The following RPS29 variants were observed in gnomAD, a reference collection of about 807,000 sequenced individuals.
RPS29 encodes ribosomal protein S29, also known as small ribosomal subunit protein uS14.
For missense variants in RPS29, 60 were observed against 75.7 expected (o/e 0.79, Z 0.77); for synonymous variants, 37 against 26.9 (o/e 1.37, Z -1.16).
intron 1 of RPS29, among the ~76,000 whole-genome samples, chr14:49,596,019 A>AGGAG (rs35194256): frequency 0.067 from 7,389 of 109,518 alleles, 338 homozygotes; most frequent in African/African-American, 0.12. Flanking sequence ...GAAGAAATGA[A>AGGAG]GGAGGGAGGG....
At chr14:49,577,564 A>G in exon 3 of RPS29, 1 of 633,604 alleles carries the variant, frequency 1.6e-6, no homozygotes, top group Non-Finnish European at 2.8e-6. Flanking sequence ...AACGTTGTGG[A>G]CCAGGAACTT....
At chr14:49,589,896 T>G (rs1024936238), upstream of RPS29, among the ~76,000 whole-genome samples, 4 of 152,170 alleles carry the variant, frequency 2.6e-5, no homozygotes, top group Non-Finnish European at 4.4e-5. Flanking sequence ...TGCAACAGCA[T>G]GGATGGAGCT....
chr14:49,592,193 G>T (rs1881727574), intron 1 of RPS29: 1 of 151,160 alleles, frequency 6.6e-6, no homozygotes, highest in Non-Finnish European at 1.5e-5. Flanking sequence ...ATTTGTTTAT[G>T]GTATATTTTT....
intron 1 of RPS29, among the ~76,000 whole-genome samples, chr14:49,592,015 C>T (rs923261179): frequency 2.6e-5 from 4 of 152,082 alleles, no homozygotes; most frequent in Non-Finnish European, 4.4e-5. Flanking sequence ...AGACATATAT[C>T]TTTATCTGGG....
chr14:49,585,819 A>G, intron 2 of RPS29, 131 bp downstream of exon 2: 1 of 676,706 alleles, frequency 1.5e-6, no homozygotes, highest in African/African-American at 1.8e-5. Flanking sequence ...CTAAAAAAAG[A>G]GGAAAAGCTC....
exon 3 of RPS29, chr14:49,577,222 G>C (rs1881206975): frequency 1.3e-5 from 2 of 154,634 alleles, no homozygotes; most frequent in African/African-American, 4.8e-5. Flanking sequence ...GTCAGAGGAA[G>C]ACTTCATCTC....
chr14:49,582,012 C>CCAAAAAAAAAAAAAAAAAAAA (rs71115379), downstream of RPS29, among the ~76,000 whole-genome samples: 8 of 106,506 alleles, frequency 7.5e-5, no homozygotes, highest in African/African-American at 2.7e-4. Flanking sequence ...CCCTGCCCCC[C>CCAAAAAAAAAAAAAAAAAAAA]AAAAAAAAAA....
At chr14:49,585,439 G>T (rs1881502731) in intron 2 of RPS29, 1 of 168,096 alleles carries the variant, frequency 5.9e-6, no homozygotes, top group Non-Finnish European at 1.3e-5. Context: ...GTACAGCCGC[G>T]CGTGGTGGCA....
exon 3 of RPS29, chr14:49,571,555 T>A (rs984218591): frequency 6.6e-6 from 1 of 152,198 alleles, no homozygotes; most frequent in Non-Finnish European, 1.5e-5. Context: ...TGTGATTACA[T>A]AGCTGGTGCT....
At chr14:49,585,820 G>A in intron 2 of RPS29, 130 bp downstream of exon 2, 3 of 683,372 alleles carry the variant, frequency 4.4e-6, no homozygotes, top group South Asian at 3.6e-5. Flanking sequence ...TAAAAAAAGA[G>A]GAAAAGCTCT....
chr14:49,582,728 T>C (rs1246916722), downstream of RPS29, among the ~76,000 whole-genome samples: 2 of 152,226 alleles, frequency 1.3e-5, no homozygotes, highest in Non-Finnish European at 2.9e-5. Context: ...GGGTATACCC[T>C]AACAACACAT....
upstream of RPS29, among the ~76,000 whole-genome samples, chr14:49,587,212 A>C (rs1881607853): frequency 2.0e-5 from 3 of 152,232 alleles, no homozygotes; most frequent in South Asian, 6.2e-4. Flanking sequence ...TTGATTCTTA[A>C]ATGTAATTGG....
chr14:49,586,141 C>T lies in RPS29; in HGVS notation c.63-92G>A, dbSNP rs1166941488. On this transcript the variant is annotated intron_variant, in intron 1 of 2. Coordinates refer to ENST00000245458, the MANE Select transcript of RPS29 (RefSeq NM_001032.5). ...CTACCCGCATCCCGGGACTCCCAAG[C>T]CACAGTACAGGCCTGTAATGGCGGC... is the stretch of plus-strand genomic sequence containing the variant. 5 of 1,411,698 alleles carry T rather than the reference C, an allele frequency of 3.5e-6. No individual in the cohort carries two copies. The East Asian group carries it at 6.9e-5, about 19-fold the overall frequency. 87.4% of individuals were successfully genotyped at this position (1,411,698 alleles called of 1,614,324 possible). A position where few individuals can be genotyped will look rare whatever the true frequency, so the allele number is the denominator to read the frequency against.
At chr14:49,591,756 G>A (rs1473455535) in intron 1 of RPS29, among the ~76,000 whole-genome samples, 3 of 151,754 alleles carry the variant, frequency 2.0e-5, no homozygotes, top group Non-Finnish European at 2.9e-5. Context: ...GAGTAGCTGG[G>A]ATTACAGGCG....
In RPS29 at chr14:49,578,136, A is replaced by T. The variant is rs144484782; in HGVS notation, c.163-283T>A. Among the ~76,000 whole-genome samples, 1,087 of 152,216 alleles carry T rather than the reference A, an allele frequency of 7.1e-3. 10 individuals carry two copies. The highest frequency in any genetic ancestry group is 0.022 in the African/African-American group (899 of 41,530). On this transcript the variant is annotated intron_variant, in intron 2 of 2. Coordinates refer to the RPS29 transcript ENST00000396020. ...AGCCCTTTTTTTTTTCAGAGATTAG[A>T]CTTGTTTTGTACAGGACAACACAGA...
chr14:49,583,454 C>T (rs1459728692), downstream of RPS29: 3 of 422,586 alleles, frequency 7.1e-6, no homozygotes, highest in Non-Finnish European at 8.5e-6. Flanking sequence ...TGCAGTGAGC[C>T]GAGATCGCGC....
intron 2 of RPS29, among the ~76,000 whole-genome samples, chr14:49,578,557 C>T (rs1341720707): frequency 1.9e-5 from 1 of 51,958 alleles, no homozygotes; most frequent in Non-Finnish European, 4.6e-5. Flanking sequence ...CCAAAGCTTT[C>T]ACTTTTTTTT....
chr14:49,583,461 G>A (rs965023291), downstream of RPS29: 16 of 443,180 alleles, frequency 3.6e-5, no homozygotes, highest in Admixed American at 1.3e-4. Flanking sequence ...AGCCGAGATC[G>A]CGCCACTGCA....
downstream of RPS29, chr14:49,583,475 C>T: frequency 1.9e-6 from 1 of 526,814 alleles, no homozygotes; most frequent in Non-Finnish European, 3.2e-6. Context: ...CACTGCACTC[C>T]AGCCTGGCGA....
Sources: allele counts gnomAD v4.1 joint callset (sites outside exome capture counted in the v4.1 genomes callset), GRCh38; gene constraint gnomAD v4.1.1; transcripts MANE v1.5; gene names NCBI Gene and HGNC (gene_info 2026-07-23, HGNC 2026-07-21).